CCDC125: variants seen among roughly 807,000 people sequenced by gnomAD.
The protein encoded by CCDC125 is coiled-coil domain-containing protein 125.
In CCDC125, 43 loss-of-function variants were observed where a neutral mutation model predicts 57.4. The observed-to-expected ratio is 0.75, with a 90% CI of 0.59 to 0.97. The LOEUF (loss-of-function observed/expected upper bound fraction) is 0.97, where lower values mean the gene tolerates loss of function less well. Among genes scored for constraint, CCDC125 ranks in the 50% least tolerant of loss-of-function variants. The pLI, the probability that CCDC125 is intolerant of heterozygous loss-of-function variation, is 0.00. For missense variants in CCDC125, 563 were observed against 595.7 expected, an observed-to-expected ratio of 0.95 and a Z score of 0.57; for synonymous variants, 187 against 195.2, an observed-to-expected ratio of 0.96 and a Z score of 0.35.
downstream of CCDC125, among the ~76,000 whole-genome samples, chr5:69,279,982 T>C (rs984368082): frequency 1.3e-5 from 2 of 152,084 alleles, no homozygotes; most frequent in African/African-American, 4.8e-5. Flanking sequence ...GAGACTACCA[T>C]GTATAAAACC....
chr5:69,303,086 C>T (rs893249863), intron 7 of CCDC125, among the ~76,000 whole-genome samples: 4 of 152,312 alleles, frequency 2.6e-5, no homozygotes, highest in South Asian at 4.1e-4. Context: ...GTGGCACAAT[C>T]ATGGCTCACT....
chr5:69,309,741 G>C (rs1757864295), intron 4 of CCDC125: 1 of 152,562 alleles, frequency 6.6e-6, no homozygotes, highest in Non-Finnish European at 1.5e-5. Context: ...TCCACCCATG[G>C]CTTACACTGT....
chr5:69,284,248 A>T (rs545933029), intron 11 of CCDC125, among the ~76,000 whole-genome samples: 2 of 152,334 alleles, frequency 1.3e-5, no homozygotes, highest in East Asian at 3.9e-4. Context: ...ATCAACGTGC[A>T]TATTTATAAA....
In CCDC125 at chr5:69,285,329, A is replaced by T. The variant is rs1579942506; in HGVS notation, c.1230+8T>A. The stretch of plus-strand genomic sequence containing the variant: ...CCATAACCTGCAAAAAAAAGCAAAG[A>T]CACTAACCAAATCTATGAGCATCTT... On this transcript the variant is annotated splice_region_variant and intron_variant, in intron 11 of 11. Coordinates refer to ENST00000396496, the MANE Select transcript of CCDC125 (RefSeq NM_176816.5). The T allele has an allele frequency of 1.9e-6, 3 of 1,609,216 alleles. No individual in the cohort carries two copies. Among genetic ancestry groups the T allele is most frequent in the Non-Finnish European group, 2.5e-6 (3 of 1,178,730 alleles).
rs569094851 is a variant in CCDC125, at chr5:69,298,068, T to C, written c.816+1944A>G. The stretch of plus-strand genomic sequence containing the variant: ...GTCCCGCTCTGTCACCAGGCTGGAG[T>C]GCAGTGGCACAATCCCGGCTCACTG... On this transcript the variant is annotated intron_variant, in intron 8 of 11. Transcript: ENST00000396496. Among the ~76,000 whole-genome samples the C allele has an allele frequency of 2.2e-3, 327 of 150,414 alleles. 1 individual carries two copies. The highest frequency in any genetic ancestry group is 0.01 in the Middle Eastern group (3 of 290).
In CCDC125 at chr5:69,292,235, T is replaced by A. The variant is rs1754571155; in HGVS notation, c.1052A>T (p.His351Leu). ...ATTCATCCATTTTGTTGCTTTTTTA[T>A]GCATTTTATCCATTTGTGTCAATTG... ...ALQLTQMDKM[H>L]KKATKWMNWK... is the part of the protein sequence containing the mutation. Residue 351 changes from histidine to leucine, a missense_variant, in exon 10 of 12, where the codon CAT becomes CTT. Transcript: ENST00000396496. 4 of 1,613,792 alleles carry A rather than the reference T, an allele frequency of 2.5e-6. No homozygotes were observed. Among genetic ancestry groups the A allele is most frequent in the African/African-American group, 1.3e-5 (1 of 75,060 alleles).
intron 1 of CCDC125, among the ~76,000 whole-genome samples, chr5:69,326,518 T>C (rs1052892648): frequency 2.0e-5 from 3 of 152,102 alleles, no homozygotes; most frequent in Non-Finnish European, 4.4e-5. Context: ...CTCTGGCCTG[T>C]GTTAAGAAGG....
intron 5 of CCDC125, chr5:69,307,737 T>TGGGG: frequency 1.9e-6 from 1 of 524,096 alleles, no homozygotes; most frequent in Non-Finnish European, 3.4e-6. Context: ...GGCCTCCTAC[T>TGGGG]ACCTTAACAT....
At chr5:69,301,391 T>C (rs1756414336) in intron 7 of CCDC125, among the ~76,000 whole-genome samples, 1 of 152,138 alleles carries the variant, frequency 6.6e-6, no homozygotes, top group African/African-American at 2.4e-5. Flanking sequence ...CCCAGCACTT[T>C]TGGAGGCCAA....
intron 10 of CCDC125, among the ~76,000 whole-genome samples, chr5:69,290,140 C>T (rs1192488804): frequency 6.6e-6 from 1 of 151,916 alleles, no homozygotes; most frequent in Non-Finnish European, 1.5e-5. Context: ...TCACTTCTTA[C>T]CCTTTTCAGC....
chr5:69,316,226 A>G (rs1045785209), intron 2 of CCDC125, among the ~76,000 whole-genome samples: 2 of 152,226 alleles, frequency 1.3e-5, no homozygotes, highest in East Asian at 1.9e-4. Context: ...CCACATGCCA[A>G]TTCCCAGAAG....
rs370553955 is a variant in CCDC125 at position 69,290,781 on chromosome 5, G to C, written c.1099+1407C>G. 3.9e-4 allele frequency among the ~76,000 whole-genome samples: 58 copies of C among 149,968 alleles called. 1 individual carries two copies. Among genetic ancestry groups the C allele is most frequent in the African/African-American group, 1.3e-3 (54 of 40,824 alleles). On this transcript the variant is annotated intron_variant, in intron 10 of 11. Transcript: ENST00000396496. ...AGTAGCTGGGACTACAGGCGCCTGC[G>C]ACCAAGCCCGGCTAATTTTTGTATT...
At chr5:69,279,408 G>C (rs1233752149), downstream of CCDC125, among the ~76,000 whole-genome samples, 1 of 152,230 alleles carries the variant, frequency 6.6e-6, no homozygotes, top group East Asian at 1.9e-4. Flanking sequence ...GTGTTAGCCA[G>C]GATGGTCTCT....
At chr5:69,276,391 A>G (rs1752142764), downstream of CCDC125, 3 of 669,228 alleles carry the variant, frequency 4.5e-6, no homozygotes, top group East Asian at 5.4e-5. Context: ...AGTAATTTCC[A>G]TTTGCAAATA....
chr5:69,283,060 A>G (rs929297307), intron 11 of CCDC125, 26 bp from the exon 12 acceptor site: 1 of 1,531,072 alleles, frequency 6.5e-7, no homozygotes, highest in Non-Finnish European at 8.8e-7. Context: ...TTAAACATGT[A>G]CAAGTTAGTC....
downstream of CCDC125, chr5:69,276,625 C>G (rs1391928550): frequency 6.2e-7 from 1 of 1,613,988 alleles, no homozygotes; most frequent in Admixed American, 1.7e-5. Flanking sequence ...CCAGTGGAAA[C>G]CTTAAAGGAG....
At chr5:69,315,125 G>A (rs1758799454) in intron 2 of CCDC125, among the ~76,000 whole-genome samples, 1 of 151,824 alleles carries the variant, frequency 6.6e-6, no homozygotes, top group Non-Finnish European at 1.5e-5. Context: ...GCATGGTGGT[G>A]CCTGCCTGTA....
chr5:69,310,443 G>T, intron 4 of CCDC125: 1 of 156,838 alleles, frequency 6.4e-6, no homozygotes, highest in East Asian at 1.9e-4. Flanking sequence ...CTGCTGCCAC[G>T]TAGGAACTGC....
At chr5:69,305,323 C>T (rs1049957573) in intron 6 of CCDC125, among the ~76,000 whole-genome samples, 2 of 152,246 alleles carry the variant, frequency 1.3e-5, no homozygotes, top group East Asian at 3.9e-4. Flanking sequence ...AAGCGATTCT[C>T]CTGCCTCAGT....
Sources: gnomAD v4.1 joint callset for allele counts (sites outside exome capture counted in the v4.1 genomes callset) on GRCh38, gnomAD v4.1.1 for gene constraint, MANE v1.5 for transcripts, NCBI Gene and HGNC (gene_info 2026-07-23, HGNC 2026-07-21) for gene names.